Variants in LINC00632 observed in about 807,000 individuals in gnomAD.
LINC00632 encodes ALDOA related specific transcript.
At chrX:140,751,855 G>C (rs1931415539) in intron 3 of LINC00632, among the ~76,000 whole-genome samples, 1 of 111,378 alleles carries the variant, frequency 9.0e-6, no homozygotes, top group South Asian at 3.8e-4. Context: ...CACCCTACAG[G>C]CCTCCTTATT....
At chrX:140,735,228 G>C (rs909986637) in intron 3 of LINC00632, among the ~76,000 whole-genome samples, 1 of 111,246 alleles carries the variant, frequency 9.0e-6, no homozygotes, top group Non-Finnish European at 1.9e-5. Flanking sequence ...TAATCATGTA[G>C]TGACCTGTCA....
At position 140,783,442 on chromosome X, in the gene LINC00632, AG is replaced by A. The variant is rs1931962776; in HGVS notation, n.11463del. 1.1e-5 allele frequency: 7 copies of A among 657,714 alleles called. No homozygotes were observed. The South Asian group carries it at 2.0e-4, about 19-fold the overall frequency. 54.2% of individuals were successfully genotyped at this position (657,714 alleles called of 1,213,427 possible). On this transcript the variant is annotated non_coding_transcript_exon_variant, in exon 5 of 5. Transcript: ENST00000648200. Reference sequence around the variant, plus strand: ...TCTTCCAGGAAAATCCACGTCTTCCAGGAAATCCATGTCTTCCAATAATTTC... The same window carrying A: ...TCTTCCAGGAAAATCCACGTCTTCCAGAAATCCATGTCTTCCAATAATTTC...
At position 140,759,660 on chromosome X, in the gene LINC00632, G is replaced by A. The variant is rs1173134640; in HGVS notation, n.192-12418G>A. ...AGTTGCAAGTCATCATGTTTGGCTC[G>A]TGTATTCTTTGGGAACACCTATGAG... On this transcript the variant is annotated intron_variant and non_coding_transcript_variant, in intron 3 of 4. Coordinates refer to ENST00000648200, the Ensembl canonical transcript of LINC00632. 7.2e-5 allele frequency among the ~76,000 whole-genome samples: 8 copies of A among 110,982 alleles called. No homozygotes were observed. In the South Asian group the frequency reaches 1.1e-3, roughly 16 times the overall value.
At chrX:140,784,135 C>T (rs1931980505) in exon 5 of LINC00632, 7 of 1,211,526 alleles carry the variant, frequency 5.8e-6, no homozygotes, top group Non-Finnish European at 7.8e-6. Flanking sequence ...AAATCCTTGT[C>T]TTCCCTCAAA....
exon 5 of LINC00632, chrX:140,783,887 G>A (rs146276960): frequency 5.6e-5 from 68 of 1,205,799 alleles, no homozygotes; most frequent in South Asian, 4.1e-4. Context: ...CAAGTCTTCC[G>A]GATAATTTGG....
In LINC00632 at chrX:140,737,482, C is replaced by T. The variant is rs1033740671; in HGVS notation, n.191+3518C>T. ...GTGTTAGGTACATTTCAGCTCCTCT[C>T]GTCTAGCCATTCTGAAAAACACAAT... On this transcript the variant is annotated intron_variant and non_coding_transcript_variant, in intron 3 of 4. Transcript: ENST00000648200. Among the ~76,000 whole-genome samples, 18 of 111,499 alleles carry T rather than the reference C, an allele frequency of 1.6e-4. No homozygotes were observed. The East Asian group carries it at 5.1e-3, about 32-fold the overall frequency.
At chrX:140,736,179 AAAT>A (rs1307559822) in intron 3 of LINC00632, among the ~76,000 whole-genome samples, 28 of 111,183 alleles carry the variant, frequency 2.5e-4, no homozygotes, top group Admixed American at 3.9e-4. Context: ...TTAAGAAATT[AAAT>A]AATAACTTTG....
chrX:140,716,007 C>T (rs1930620546), intron 2 of LINC00632: 2 of 112,671 alleles, frequency 1.8e-5, no homozygotes, highest in African/African-American at 6.4e-5. Flanking sequence ...ATTGCTTCCA[C>T]AATGCACAGA....
intron 2 of LINC00632, among the ~76,000 whole-genome samples, chrX:140,723,081 A>G (rs1338166569): frequency 1.8e-5 from 2 of 110,072 alleles, no homozygotes; most frequent in Admixed American, 9.9e-5. Flanking sequence ...ACTTCATGAC[A>G]CTCTCACACC....
chrX:140,763,993 C>A (rs1040958581), intron 3 of LINC00632, among the ~76,000 whole-genome samples: 4 of 111,048 alleles, frequency 3.6e-5, no homozygotes, highest in African/African-American at 1.3e-4. Flanking sequence ...GGCCGTTTCA[C>A]AACAGAAACT....
At chrX:140,721,440 G>C (rs911248446) in intron 2 of LINC00632, among the ~76,000 whole-genome samples, 1 of 111,563 alleles carries the variant, frequency 9.0e-6, no homozygotes, top group Non-Finnish European at 1.9e-5. Flanking sequence ...TTCTGCCTCA[G>C]ATCATCAGGC....
chrX:140,719,243 A>G, intron 2 of LINC00632, among the ~76,000 whole-genome samples: 1 of 110,667 alleles, frequency 9.0e-6, no homozygotes, highest in South Asian at 3.9e-4. Flanking sequence ...ACACCGACAC[A>G]CCCCATATCA....
At chrX:140,732,396 A>G (rs1179086932) in intron 2 of LINC00632, among the ~76,000 whole-genome samples, 1 of 111,641 alleles carries the variant, frequency 9.0e-6, no homozygotes, top group Non-Finnish European at 1.9e-5. Context: ...ACATATATCT[A>G]TAGATAATAC....
intron 3 of LINC00632, among the ~76,000 whole-genome samples, chrX:140,766,054 T>C (rs1931685964): frequency 8.9e-6 from 1 of 111,782 alleles, no homozygotes; most frequent in Admixed American, 9.5e-5. Context: ...AGAGTTTGCT[T>C]CCCTTGAGGA....
At chrX:140,786,646 A>T (rs759141050) in exon 5 of LINC00632, among the ~76,000 whole-genome samples, 2 of 111,711 alleles carry the variant, frequency 1.8e-5, no homozygotes, top group East Asian at 5.6e-4. Flanking sequence ...GGGATATAAA[A>T]ATGTACTTTT....
intron 2 of LINC00632, among the ~76,000 whole-genome samples, chrX:140,723,845 TACAC>T (rs1419953878): frequency 2.6e-3 from 8 of 3,071 alleles, no homozygotes; most frequent in African/African-American, 4.2e-3. Context: ...ACACATTCCA[TACAC>T]ACACACATTC....
intron 3 of LINC00632, among the ~76,000 whole-genome samples, chrX:140,759,859 G>A (rs1328001370): frequency 8.9e-6 from 1 of 111,813 alleles, no homozygotes; most frequent in East Asian, 2.8e-4. Flanking sequence ...AGACCTGTCT[G>A]TAGATAACTC....
chrX:140,764,912 G>T (rs1169456792), intron 3 of LINC00632, among the ~76,000 whole-genome samples: 1 of 110,553 alleles, frequency 9.0e-6, no homozygotes, highest in Non-Finnish European at 1.9e-5. Context: ...CTGGAAAATC[G>T]CCCTCACTCA....
At chrX:140,780,602 A>G (rs1399351784) in exon 5 of LINC00632, among the ~76,000 whole-genome samples, 1 of 111,745 alleles carries the variant, frequency 8.9e-6, no homozygotes, top group Non-Finnish European at 1.9e-5. Flanking sequence ...GGGTAAAGAT[A>G]AAGCTAAATA....
Sources: allele counts gnomAD v4.1 joint callset (sites outside exome capture counted in the v4.1 genomes callset), GRCh38; gene constraint gnomAD v4.1.1; transcripts MANE v1.5; gene names NCBI Gene and HGNC (gene_info 2026-07-23, HGNC 2026-07-21).